SH3RF3: variants seen among roughly 807,000 people sequenced by gnomAD.
SH3RF3 encodes SH3 domain containing ring finger 3, also known as E3 ubiquitin-protein ligase SH3RF3.
In SH3RF3, 29 loss-of-function variants were observed where a neutral mutation model predicts 66.3. The observed-to-expected ratio is 0.44, with a 90% confidence interval of 0.33 to 0.60. The LOEUF is 0.60. Among genes scored for constraint, SH3RF3 ranks in the 20% least tolerant of loss-of-function variants. The probability of loss-of-function intolerance (pLI) is 0.04; values close to 1 mark genes in which losing one functional copy is unlikely to be tolerated. For synonymous variants in SH3RF3, 583 were observed against 532.0 expected (o/e 1.10, Z -1.32); for missense variants, 1,194 against 1,190.9 (o/e 1.00, Z -0.04).
At chr2:109,480,474 C>A (rs925178075) in intron 8 of SH3RF3, among the ~76,000 whole-genome samples, 6 of 152,074 alleles carry the variant, frequency 3.9e-5, no homozygotes, top group African/African-American at 1.4e-4. Flanking sequence ...AGATGCCAGC[C>A]CCTGTTAGTC....
chr2:109,434,650 A>T (rs1001601406), intron 6 of SH3RF3, among the ~76,000 whole-genome samples: 7 of 152,180 alleles, frequency 4.6e-5, no homozygotes, highest in African/African-American at 1.7e-4. Flanking sequence ...CCTTGCCTGG[A>T]GGCCCTCATC....
intron 1 of SH3RF3, among the ~76,000 whole-genome samples, chr2:109,256,225 A>G (rs1415675041): frequency 6.6e-6 from 1 of 152,184 alleles, no homozygotes; most frequent in East Asian, 1.9e-4. Flanking sequence ...AAGACCCCAC[A>G]GTTGGAGAGC....
intron 3 of SH3RF3, among the ~76,000 whole-genome samples, chr2:109,374,431 A>T (rs1683338483): frequency 6.6e-6 from 1 of 152,118 alleles, no homozygotes; most frequent in Non-Finnish European, 1.5e-5. Flanking sequence ...TGCACGCCAC[A>T]CACCACATGG....
At chr2:109,418,992 T>C (rs1175819156) in intron 4 of SH3RF3, among the ~76,000 whole-genome samples, 2 of 151,982 alleles carry the variant, frequency 1.3e-5, no homozygotes, top group East Asian at 3.9e-4. Context: ...GTTCCTCGGG[T>C]CATCTCCTTG....
intron 1 of SH3RF3, among the ~76,000 whole-genome samples, chr2:109,341,041 CTG>C (rs1682544307): frequency 1.3e-5 from 2 of 152,214 alleles, no homozygotes; most frequent in African/African-American, 2.4e-5. Flanking sequence ...CCTCGTCACC[CTG>C]TGTTTGAAGG....
chr2:109,316,809 C>T (rs563995799), intron 1 of SH3RF3, among the ~76,000 whole-genome samples: 1 of 152,322 alleles, frequency 6.6e-6, no homozygotes, highest in East Asian at 1.9e-4. Context: ...CTGGTTATCC[C>T]TCCCTGGCCT....
At chr2:109,421,054 C>G (rs1412717261) in intron 5 of SH3RF3, among the ~76,000 whole-genome samples, 1 of 152,234 alleles carries the variant, frequency 6.6e-6, no homozygotes, top group Middle Eastern at 3.2e-3. Flanking sequence ...CCATCTCCTG[C>G]CATGCTCCTA....
chr2:109,136,889 C>A (rs1338749276), intron 1 of SH3RF3, among the ~76,000 whole-genome samples: 2 of 152,112 alleles, frequency 1.3e-5, no homozygotes, highest in Non-Finnish European at 2.9e-5. Flanking sequence ...GAGAGCAAGA[C>A]CTCACCAGAG....
chr2:109,181,124 G>T (rs576571229), intron 1 of SH3RF3, among the ~76,000 whole-genome samples: 6 of 152,326 alleles, frequency 3.9e-5, no homozygotes, highest in African/African-American at 1.4e-4. Context: ...TGATGGCTCA[G>T]GAAGGTCCTT....
chr2:109,346,555 G>T (rs1177177013), intron 1 of SH3RF3, among the ~76,000 whole-genome samples: 1 of 152,122 alleles, frequency 6.6e-6, no homozygotes. Flanking sequence ...CTCTGGCAAA[G>T]CTCCCACAGT....
intron 5 of SH3RF3, among the ~76,000 whole-genome samples, chr2:109,430,901 G>A (rs1201654805): frequency 6.6e-6 from 1 of 152,188 alleles, no homozygotes; most frequent in Non-Finnish European, 1.5e-5. Context: ...ATGTCCCTAG[G>A]AGGAGGGCAT....
rs1284252676 is a variant in SH3RF3, at chr2:109,490,834, G to A, written c.2378G>A (p.Arg793Lys). 5 of 1,536,724 alleles carry A rather than the reference G, an allele frequency of 3.3e-6. No individual in the cohort carries two copies. Among genetic ancestry groups the A allele is most frequent in the Non-Finnish European group, 4.4e-6 (5 of 1,146,660 alleles). ...GCCATGGGGATGGAGCCTCTGCACAGGAAGGCAGGCTCCTTGGATCTAAAC... is the reference window on the plus strand; with the variant it reads ...GCCATGGGGATGGAGCCTCTGCACAAGAAGGCAGGCTCCTTGGATCTAAAC... ...QGAMGMEPLH[R>K]KAGSLDLNFT... is the part of the protein sequence containing the mutation. The change falls in exon 9 of 10, where the codon AGG becomes AAG. Residue 793 changes from arginine to lysine, a missense_variant. By Grantham distance (26) the Arg-to-Lys change is conservative. Coordinates refer to ENST00000309415, the MANE Select transcript of SH3RF3 (RefSeq NM_001099289.3).
At chr2:109,453,592 C>G (rs1487736772) in intron 8 of SH3RF3, among the ~76,000 whole-genome samples, 1 of 152,192 alleles carries the variant, frequency 6.6e-6, no homozygotes, top group Non-Finnish European at 1.5e-5. Flanking sequence ...ATCACTCACT[C>G]TCTTACTTGT....
intron 1 of SH3RF3, among the ~76,000 whole-genome samples, chr2:109,292,190 C>T (rs546810543): frequency 1.6e-3 from 243 of 152,282 alleles, no homozygotes; most frequent in African/African-American, 5.7e-3. Flanking sequence ...ATGTTTCTTT[C>T]TAATTAAAAG....
rs546450136 is a variant in SH3RF3 at position 109,180,582 on chromosome 2, C to G, written c.573+50469C>G. 5.3e-5 allele frequency among the ~76,000 whole-genome samples: 8 copies of G among 152,224 alleles called. No homozygotes were observed. The East Asian group carries it at 1.5e-3, about 29-fold the overall frequency. On this transcript the variant is annotated intron_variant, in intron 1 of 9. Transcript: ENST00000309415. Reference sequence around the variant, plus strand: ...ATTGAATCATGGGGGTGGTTTCTCCCATACTGTTCTTGTGGTAGTAAATAA... The same window carrying G: ...ATTGAATCATGGGGGTGGTTTCTCCGATACTGTTCTTGTGGTAGTAAATAA...
At chr2:109,336,905 C>A (rs1402221595) in intron 1 of SH3RF3, among the ~76,000 whole-genome samples, 2 of 152,206 alleles carry the variant, frequency 1.3e-5, no homozygotes, top group Non-Finnish European at 2.9e-5. Context: ...TGTCCCAGAG[C>A]AAAGGGCAGT....
intron 6 of SH3RF3, among the ~76,000 whole-genome samples, chr2:109,434,268 G>A (rs1038053157): frequency 6.6e-6 from 1 of 152,208 alleles, no homozygotes; most frequent in African/African-American, 2.4e-5. Context: ...TCTGTCACAC[G>A]CCCTACTGTT....
At chr2:109,356,680 A>C (rs1469664174) in intron 2 of SH3RF3, among the ~76,000 whole-genome samples, 4 of 152,136 alleles carry the variant, frequency 2.6e-5, no homozygotes, top group Admixed American at 2.6e-4. Context: ...GCTGAACACT[A>C]GTAGTGATGG....
chr2:109,269,368 T>C (rs1680576191), intron 1 of SH3RF3, among the ~76,000 whole-genome samples: 1 of 152,170 alleles, frequency 6.6e-6, no homozygotes, highest in Non-Finnish European at 1.5e-5. Context: ...CCACACACCG[T>C]GTAATTTCCA....
Sources: gnomAD v4.1 joint callset for allele counts (sites outside exome capture counted in the v4.1 genomes callset) on GRCh38, gnomAD v4.1.1 for gene constraint, MANE v1.5 for transcripts, NCBI Gene and HGNC (gene_info 2026-07-23, HGNC 2026-07-21) for gene names.